Variants in FGF12 observed in about 807,000 individuals in gnomAD.
FGF12 encodes the protein fibroblast growth factor 12B.
In FGF12, 14 loss-of-function variants were observed where a neutral mutation model predicts 23.6. The observed-to-expected ratio is 0.59, with a 90% CI of 0.39 to 0.93. The LOEUF (loss-of-function observed/expected upper bound fraction) is 0.93. Among genes scored for constraint, FGF12 ranks in the 40% least tolerant of loss-of-function variants. The pLI, the probability that FGF12 is intolerant of heterozygous loss-of-function variation, is 0.00. For missense variants in FGF12, 175 were observed against 217.8 expected (o/e 0.80, Z 1.24); for synonymous variants, 62 against 77.3 (o/e 0.80, Z 1.04).
intron 4 of FGF12, among the ~76,000 whole-genome samples, chr3:192,179,556 T>C (rs538228001): frequency 6.6e-6 from 1 of 151,940 alleles, no homozygotes; most frequent in East Asian, 1.9e-4. Context: ...TTGATTTTTT[T>C]TTTTTTTTTG....
chr3:192,508,341 T>C (rs1243384530), intron 2 of FGF12, among the ~76,000 whole-genome samples: 1 of 152,192 alleles, frequency 6.6e-6, no homozygotes, highest in Non-Finnish European at 1.5e-5. Flanking sequence ...AAACATGACA[T>C]TCATAATATT....
At chr3:192,708,239 G>T (rs868861958) in intron 2 of FGF12, among the ~76,000 whole-genome samples, 7 of 152,114 alleles carry the variant, frequency 4.6e-5, no homozygotes, top group Non-Finnish European at 7.4e-5. Context: ...GATTACAGGT[G>T]TGAACTGCCT....
In FGF12 at chr3:192,392,134, T is replaced by C. The variant is rs151327670; in HGVS notation, c.14-31596A>G. ...AGAAGGGATTACAGATTTTTTCCTA[T>C]GTTTCTATTTTTGTTTCTCAGAAGA... On this transcript the variant is annotated intron_variant, in intron 2 of 5. Transcript: ENST00000445105. Among the ~76,000 whole-genome samples the C allele has an allele frequency of 2.8e-3, 432 of 152,290 alleles. 1 individual carries two copies. Among genetic ancestry groups the C allele is most frequent in the African/African-American group, 9.9e-3 (410 of 41,564 alleles).
At position 192,618,052 on chromosome 3, in the gene FGF12, C is replaced by T. The variant is rs192773981; in HGVS notation, c.13+109129G>A. On this transcript the variant is annotated intron_variant, in intron 2 of 5. Coordinates refer to ENST00000445105, the MANE Select transcript of FGF12 (RefSeq NM_004113.6). ...ATTGAGGTTGACTAACAAAGGAATG[C>T]GTTAACTTGGAAGATAATAAATCGC... Among the ~76,000 whole-genome samples, 9 of 152,106 alleles carry T rather than the reference C, an allele frequency of 5.9e-5. No individual in the cohort carries two copies. The East Asian group carries it at 1.2e-3, about 20-fold the overall frequency.
intron 2 of FGF12, among the ~76,000 whole-genome samples, chr3:192,694,538 T>C (rs2108724039): frequency 6.6e-6 from 1 of 152,190 alleles, no homozygotes; most frequent in Middle Eastern, 3.4e-3. Flanking sequence ...GTGGTGTATA[T>C]ACATATATGT....
intron 4 of FGF12, among the ~76,000 whole-genome samples, chr3:192,264,549 T>C (rs1560041693): frequency 6.6e-6 from 1 of 152,068 alleles, no homozygotes; most frequent in Non-Finnish European, 1.5e-5. Flanking sequence ...TTTAAATGAT[T>C]TATTTTCTTA....
At position 192,633,376 on chromosome 3, in the gene FGF12, G is replaced by C. The variant is rs1046983359; in HGVS notation, c.13+93805C>G. ...TCGTCTTATCAATCATTGGATTTGG[G>C]ACCCCCTTTAAGCTAATATGGCTTC... is the stretch of plus-strand genomic sequence containing the variant. On this transcript the variant is annotated intron_variant, in intron 2 of 5. Coordinates refer to ENST00000445105, the MANE Select transcript of FGF12 (RefSeq NM_004113.6). Among the ~76,000 whole-genome samples, 4 of 152,058 alleles carry C rather than the reference G, an allele frequency of 2.6e-5. No homozygotes were observed. In the South Asian group the frequency reaches 8.3e-4, roughly 32 times the overall value.
intron 4 of FGF12, among the ~76,000 whole-genome samples, chr3:192,304,486 T>C (rs187079475): frequency 1.3e-5 from 2 of 152,266 alleles, no homozygotes; most frequent in Admixed American, 1.3e-4. Flanking sequence ...ACTTTTTATC[T>C]TATTATCAAA....
chr3:192,221,746 A>T (rs1308282576), intron 4 of FGF12, among the ~76,000 whole-genome samples: 1 of 152,338 alleles, frequency 6.6e-6, no homozygotes, highest in African/African-American at 2.4e-5. Flanking sequence ...ACAAAGATTT[A>T]CTGAAGTATA....
At chr3:192,226,912 T>C (rs2108579218) in intron 4 of FGF12, among the ~76,000 whole-genome samples, 1 of 130,398 alleles carries the variant, frequency 7.7e-6, no homozygotes, top group Non-Finnish European at 1.6e-5. Flanking sequence ...ATATTCAATA[T>C]TGTGTGTCAA....
rs558144636 is a variant in FGF12 at position 192,472,228 on chromosome 3, G to A, written c.14-111690C>T. 9.2e-5 allele frequency among the ~76,000 whole-genome samples: 14 copies of A among 152,204 alleles called. No individual in the cohort carries two copies. In the East Asian group the frequency reaches 2.5e-3, roughly 27 times the overall value. On this transcript the variant is annotated intron_variant, in intron 2 of 5. Transcript: ENST00000445105. ...AGACGGGGTTTCACCATGTTGGCCA[G>A]GATGGTCTTGATCTCCTGACCTCGG... is the stretch of plus-strand genomic sequence containing the variant.
chr3:192,704,604 T>A (rs539665814), intron 2 of FGF12, among the ~76,000 whole-genome samples: 1 of 152,210 alleles, frequency 6.6e-6, no homozygotes, highest in East Asian at 1.9e-4. Context: ...GAATGGTGCA[T>A]GAGCATTGGC....
At chr3:192,644,043 T>C (rs181661995) in intron 2 of FGF12, among the ~76,000 whole-genome samples, 65 of 152,280 alleles carry the variant, frequency 4.3e-4, no homozygotes, top group Non-Finnish European at 7.9e-4. Flanking sequence ...TATGAAGGTC[T>C]AAAAAAGATA....
intron 2 of FGF12, among the ~76,000 whole-genome samples, chr3:192,405,759 C>A (rs771023062): frequency 8.5e-5 from 13 of 152,184 alleles, no homozygotes; most frequent in Non-Finnish European, 1.8e-4. Flanking sequence ...TATAAATAGA[C>A]TTATTCCATG....
chr3:192,318,640 T>TAG (rs1267105969), intron 4 of FGF12, among the ~76,000 whole-genome samples: 1 of 151,634 alleles, frequency 6.6e-6, no homozygotes, highest in African/African-American at 2.4e-5. Context: ...AAGGAGGAAG[T>TAG]AGAGAGAGAG....
At chr3:192,672,880 A>G (rs1367636897) in intron 2 of FGF12, 1 of 150,930 alleles carries the variant, frequency 6.6e-6, no homozygotes. Flanking sequence ...ATGAGCTCCT[A>G]CTGTGTGCTA....
intron 2 of FGF12, among the ~76,000 whole-genome samples, chr3:192,606,568 T>G (rs1487542157): frequency 2.0e-5 from 3 of 152,132 alleles, no homozygotes. Context: ...TAGTGCACAT[T>G]AATAATCACT....
intron 2 of FGF12, among the ~76,000 whole-genome samples, chr3:192,669,121 CAATA>C: frequency 1.3e-5 from 2 of 152,088 alleles, no homozygotes; most frequent in South Asian, 4.2e-4. Flanking sequence ...ATAAGAATCT[CAATA>C]GATACGCTAA....
At chr3:192,727,072 T>C in intron 2 of FGF12, 109 bp downstream of exon 2, 1 of 1,363,276 alleles carries the variant, frequency 7.3e-7, no homozygotes, top group Non-Finnish European at 1.0e-6. Context: ...TCCTCCTCTA[T>C]CGACCTAGTA....
Sources: gnomAD v4.1 joint callset for allele counts (sites outside exome capture counted in the v4.1 genomes callset) on GRCh38, gnomAD v4.1.1 for gene constraint, MANE v1.5 for transcripts, NCBI Gene and HGNC (gene_info 2026-07-23, HGNC 2026-07-21) for gene names.